PRDM16: variants seen among roughly 807,000 people sequenced by gnomAD.
PRDM16 encodes the protein PR/SET domain 16, also known as histone-lysine N-methyltransferase PRDM16.
PRDM16 carries 23 observed loss-of-function variants against 110.6 expected under a neutral mutation model. That is an observed-to-expected ratio of 0.21 (90% confidence interval 0.15 to 0.29). PRDM16 has a LOEUF of 0.29. Ranked by LOEUF, PRDM16 falls within the 10% of genes least tolerant of loss-of-function variation. The pLI, the probability that PRDM16 is intolerant of heterozygous loss-of-function variation, is 1.00. For synonymous variants in PRDM16, 799 were observed against 781.8 expected (o/e 1.02, Z -0.37); for missense variants, 1,615 against 1,794.3 (o/e 0.90, Z 1.81).
chr1:3,360,919 G>A (rs553336629), intron 3 of PRDM16, among the ~76,000 whole-genome samples: 1 of 152,328 alleles, frequency 6.6e-6, no homozygotes, highest in East Asian at 1.9e-4. Context: ...GGGGCCAGAT[G>A]TGCGGGTGCC....
intron 3 of PRDM16, among the ~76,000 whole-genome samples, chr1:3,264,367 G>C (rs1335965743): frequency 1.3e-5 from 2 of 151,534 alleles, no homozygotes; most frequent in African/African-American, 4.9e-5. Context: ...GGGCATCCGA[G>C]GACCCTGGGC....
At chr1:3,192,566 AG>A (rs1638339250) in intron 2 of PRDM16, among the ~76,000 whole-genome samples, 1 of 152,038 alleles carries the variant, frequency 6.6e-6, no homozygotes, top group Admixed American at 6.6e-5. Flanking sequence ...TTTTCATGGC[AG>A]TGGGCGGGGC....
At chr1:3,214,998 TG>T (rs1638986471) in intron 2 of PRDM16, among the ~76,000 whole-genome samples, 1 of 152,166 alleles carries the variant, frequency 6.6e-6, no homozygotes, top group Non-Finnish European at 1.5e-5. Context: ...GACCTGACAG[TG>T]GGGACCTGTG....
At chr1:3,295,418 G>A (rs1383097826) in intron 3 of PRDM16, among the ~76,000 whole-genome samples, 1 of 152,174 alleles carries the variant, frequency 6.6e-6, no homozygotes, top group African/African-American at 2.4e-5. Context: ...TGGGCTCACG[G>A]AGGTGCGACT....
chr1:3,111,484 A>G (rs1442121986), intron 1 of PRDM16, among the ~76,000 whole-genome samples: 11 of 4,298 alleles, frequency 2.6e-3, no homozygotes, highest in Middle Eastern at 0.25. Context: ...AGGACAGGCA[A>G]GGAGGCCTCG....
At chr1:3,193,812 G>A (rs994674438) in intron 2 of PRDM16, among the ~76,000 whole-genome samples, 2 of 152,222 alleles carry the variant, frequency 1.3e-5, no homozygotes, top group African/African-American at 4.8e-5. Flanking sequence ...GAGACCTGAG[G>A]GCAGAGGCTG....
intron 3 of PRDM16, among the ~76,000 whole-genome samples, chr1:3,284,817 C>T (rs907633213): frequency 2.0e-5 from 3 of 152,158 alleles, no homozygotes; most frequent in Non-Finnish European, 4.4e-5. Context: ...AGCGTGGTCC[C>T]GCCCAGGCCA....
rs1187916769 is a variant in PRDM16 at position 3,417,861 on chromosome 1, G to A, written c.2725G>A (p.Glu909Lys). Residue 909 changes from glutamate to lysine, a missense_variant, in exon 11 of 17, where the codon GAG becomes AAG. Glu to Lys is a moderately conservative substitution (Grantham distance 56, BLOSUM62 1). Coordinates refer to ENST00000270722, the MANE Select transcript of PRDM16 (RefSeq NM_022114.4). The part of the protein sequence containing the change: ...SAIETMTEKL[E>K]SFAAMKADSG... ...CATAGAGACCATGACAGAGAAGCTG[G>A]AGAGCTTTGCAGCCATGAAGGCGGA... The A allele has an allele frequency of 1.2e-6, 2 of 1,613,852 alleles. No homozygotes were observed. Among genetic ancestry groups the A allele is most frequent in the South Asian group, 2.2e-5 (2 of 91,080 alleles).
rs1455585763 is a variant in PRDM16, at chr1:3,438,021, G to C, written c.*4210G>C. 1 of 216,588 alleles carries C rather than the reference G, an allele frequency of 4.6e-6. No individual in the cohort carries two copies. The highest frequency in any genetic ancestry group is 9.3e-6 in the Non-Finnish European group (1 of 107,594). 13.4% of individuals were successfully genotyped at this position (216,588 alleles called of 1,614,324 possible). ...TCTGCCATTGTTACATTACAGATTT[G>C]GTTTAGTTTTGTTTTGTTTTGTTTT... is the stretch of plus-strand genomic sequence containing the variant. On this transcript the variant is annotated 3_prime_UTR_variant, in exon 17 of 17. Transcript: ENST00000270722.
chr1:3,426,830 A>G (rs1376808827), intron 14 of PRDM16, among the ~76,000 whole-genome samples: 1 of 152,118 alleles, frequency 6.6e-6, no homozygotes, highest in Admixed American at 6.5e-5. Context: ...ACAGGGCAGG[A>G]CGTGCCTGGG....
Position 3,244,396 on chromosome 1 carries a change from A to G in PRDM16, c.438+259A>G, listed in dbSNP as rs1421808441. 1.3e-5 allele frequency among the ~76,000 whole-genome samples: 2 copies of G among 152,112 alleles called. No homozygotes were observed. The highest frequency in any genetic ancestry group is 2.9e-5 in the Non-Finnish European group (2 of 68,026). ...CCATCCGCCACTCTCCTAACTCCCG[A>G]GAGTGGAGGAGAGCCCTGTACCTGT... On this transcript the variant is annotated intron_variant, in intron 3 of 16. Coordinates refer to ENST00000270722, the MANE Select transcript of PRDM16 (RefSeq NM_022114.4). The surrounding 1 kb of genome is among the most constrained non-coding windows in gnomAD (Gnocchi z 4.1).
chr1:3,332,591 T>C (rs1192753562), intron 3 of PRDM16, among the ~76,000 whole-genome samples: 1 of 152,078 alleles, frequency 6.6e-6, no homozygotes, highest in East Asian at 1.9e-4. Flanking sequence ...ATAAGATAAA[T>C]TTCTAATTTT....
intron 1 of PRDM16, among the ~76,000 whole-genome samples, chr1:3,103,644 G>A (rs1432422292): frequency 6.6e-6 from 1 of 152,216 alleles, no homozygotes; most frequent in African/African-American, 2.4e-5. Context: ...CCTTAAGCAG[G>A]TGTGCAGGGC....
At chr1:3,247,703 G>C (rs1041144004) in intron 3 of PRDM16, among the ~76,000 whole-genome samples, 9 of 152,366 alleles carry the variant, frequency 5.9e-5, no homozygotes, top group Non-Finnish European at 5.9e-5. Context: ...GCCCGCGCTC[G>C]CTCTGGTGCG....
At chr1:3,114,291 A>C (rs1642883017) in intron 1 of PRDM16, among the ~76,000 whole-genome samples, 1 of 135,122 alleles carries the variant, frequency 7.4e-6, no homozygotes, top group Admixed American at 7.5e-5. Context: ...CACGCAGTGG[A>C]AACGCACACG....
In PRDM16 at chr1:3,404,839, A is replaced by T; in HGVS notation, c.985A>T (p.Met329Leu). ...NWKSNLIRHQ[M>L]SHDSGKRFEC... The stretch of plus-strand genomic sequence containing the variant: ...GAAGTCCAACCTCATCCGCCACCAG[A>T]TGTCCCACGACAGCGGCAAACGCTT... Residue 329 changes from methionine (M) to leucine (L), a missense_variant, in exon 7 of 17, where the codon ATG becomes TTG. Coordinates refer to ENST00000270722, the MANE Select transcript of PRDM16 (RefSeq NM_022114.4). 6.2e-7 allele frequency: 1 copy of T among 1,613,504 alleles called. No homozygotes were observed. Among genetic ancestry groups the T allele is most frequent in the Non-Finnish European group, 8.5e-7 (1 of 1,179,978 alleles).
intron 1 of PRDM16, among the ~76,000 whole-genome samples, chr1:3,114,692 G>GCA (rs917478590): frequency 1.3e-5 from 2 of 152,212 alleles, no homozygotes; most frequent in Admixed American, 6.5e-5. Context: ...GCACCCGGGT[G>GCA]CACACACACA....
intron 4 of PRDM16, among the ~76,000 whole-genome samples, chr1:3,386,239 A>T: frequency 7.6e-6 from 1 of 131,806 alleles, no homozygotes; most frequent in Non-Finnish European, 1.6e-5. Flanking sequence ...ATTTCATTTG[A>T]AAAAAAAGAA....
rs1038969792 is a variant in PRDM16 at position 3,236,416 on chromosome 1, T to TG, written c.388-7664dup. Reference sequence around the variant, plus strand: ...AAGGACCACAAATATGCTAATGGCCTGGGGGGGCGCTTGTCTGACCACCGC... The same window carrying TG: ...AAGGACCACAAATATGCTAATGGCCTGGGGGGGGCGCTTGTCTGACCACCGC... On this transcript the variant is annotated intron_variant, in intron 2 of 16. Coordinates refer to ENST00000270722, the MANE Select transcript of PRDM16 (RefSeq NM_022114.4). Among the ~76,000 whole-genome samples the TG allele has an allele frequency of 1.2e-4, 18 of 152,138 alleles. 1 individual carries two copies. The highest frequency in any genetic ancestry group is 3.4e-3 in the Middle Eastern group (1 of 294).
Sources: allele counts gnomAD v4.1 joint callset (sites outside exome capture counted in the v4.1 genomes callset), GRCh38; gene constraint gnomAD v4.1.1; non-coding constraint Gnocchi (gnomAD v3.1); transcripts MANE v1.5; gene names NCBI Gene and HGNC (gene_info 2026-07-23, HGNC 2026-07-21).